Variants in INTS9 observed in about 807,000 individuals in gnomAD.
INTS9 encodes the protein integrator complex subunit 9, also known as protein related to CPSF subunits of 74 kDa.
INTS9 carries 55 observed loss-of-function variants against 79.7 expected under a neutral mutation model. The observed-to-expected ratio is 0.69, with a 90% CI of 0.56 to 0.86. The LOEUF (loss-of-function observed/expected upper bound fraction) is 0.86. Ranked by LOEUF, INTS9 falls within the 40% of genes least tolerant of loss-of-function variation. The pLI is 0.00. For synonymous variants in INTS9, 319 were observed against 325.2 expected, an observed-to-expected ratio of 0.98 and a Z score of 0.20; for missense variants, 721 against 831.5, an observed-to-expected ratio of 0.87 and a Z score of 1.64.
intron 14 of INTS9, among the ~76,000 whole-genome samples, chr8:28,774,340 G>A (rs1224675989): frequency 6.6e-6 from 1 of 152,126 alleles, no homozygotes; most frequent in African/African-American, 2.4e-5. Flanking sequence ...AAATGTCTTA[G>A]TTTTAATTTC....
intron 4 of INTS9, 67 bp downstream of exon 4, chr8:28,846,680 C>A: frequency 8.3e-7 from 1 of 1,201,126 alleles, no homozygotes; most frequent in Non-Finnish European, 1.2e-6. Flanking sequence ...AAAATTATTT[C>A]TTGACTTCAT....
intron 8 of INTS9, among the ~76,000 whole-genome samples, chr8:28,807,512 T>A (rs1423923311): frequency 1.3e-5 from 2 of 152,108 alleles, no homozygotes; most frequent in Non-Finnish European, 2.9e-5. Context: ...TCCTGGAGAG[T>A]ATTTTAAAAA....
intron 1 of INTS9, among the ~76,000 whole-genome samples, chr8:28,881,700 A>T (rs1336239991): frequency 3.2e-5 from 3 of 93,138 alleles, no homozygotes; most frequent in Admixed American, 1.1e-4. Flanking sequence ...TCCGGGAGGG[A>T]GGTGGGGGGG....
chr8:28,871,928 C>T (rs2131341188), intron 1 of INTS9, among the ~76,000 whole-genome samples: 1 of 151,972 alleles, frequency 6.6e-6, no homozygotes, highest in African/African-American at 2.4e-5. Context: ...GAAAAATGTG[C>T]AAAAAGCACA....
At chr8:28,877,130 A>G (rs59352095) in intron 1 of INTS9, among the ~76,000 whole-genome samples, 112 of 152,268 alleles carry the variant, frequency 7.4e-4, no homozygotes, top group African/African-American at 2.6e-3. Flanking sequence ...ATACAAAAAA[A>G]TAAATGTCTG....
intron 15 of INTS9, 40 bp downstream of exon 15, chr8:28,770,942 G>C: frequency 1.4e-6 from 2 of 1,424,444 alleles, no homozygotes; most frequent in Non-Finnish European, 2.0e-6. Flanking sequence ...GTTTCTTGCT[G>C]GGGAGAGGGT....
chr8:28,856,593 T>C (rs898518500), intron 2 of INTS9, among the ~76,000 whole-genome samples: 1 of 152,200 alleles, frequency 6.6e-6, no homozygotes, highest in East Asian at 1.9e-4. Context: ...TAGCTAATTT[T>C]AAAATTTTTG....
intron 6 of INTS9, among the ~76,000 whole-genome samples, chr8:28,833,618 T>TCAAAAA (rs373629333): frequency 8.8e-5 from 12 of 136,886 alleles, no homozygotes; most frequent in Admixed American, 2.3e-4. Flanking sequence ...AGACTCTGTC[T>TCAAAAA]CAAAAACAAA....
At chr8:28,849,554 G>A (rs746546200) in intron 3 of INTS9, among the ~76,000 whole-genome samples, 3 of 151,338 alleles carry the variant, frequency 2.0e-5, no homozygotes, top group East Asian at 1.9e-4. Flanking sequence ...AGGTTGAAAC[G>A]GGATCACAGA....
In INTS9 at chr8:28,768,520, A is replaced by G. The variant is rs572874151; in HGVS notation, c.1801-198T>C. ...CCCTAAACATGCAAAAGCTCATGCA[A>G]AACAACAGAATTTCCACAACCTGGC... is the stretch of plus-strand genomic sequence containing the variant. On this transcript the variant is annotated intron_variant, in intron 16 of 16. Coordinates refer to ENST00000521022, the MANE Select transcript of INTS9 (RefSeq NM_018250.4). 1.4e-4 allele frequency: 84 copies of G among 604,206 alleles called. 2 individuals carry two copies. In the South Asian group the frequency reaches 1.6e-3, roughly 11 times the overall value. 37.4% of individuals were successfully genotyped at this position (604,206 alleles called of 1,614,324 possible).
At position 28,889,853 on chromosome 8, in the gene INTS9, G is replaced by T; in HGVS notation, c.9+21C>A. ...GGTTATAGCATCACCTTTGCCCTCT[G>T]ACCTAGGAGCGAAGACTCACCAGTT... is the stretch of plus-strand genomic sequence containing the variant. On this transcript the variant is annotated intron_variant, in intron 1 of 16. Transcript: ENST00000521022. The T allele has an allele frequency of 1.9e-6, 3 of 1,613,758 alleles. No homozygotes were observed. In the South Asian group the frequency reaches 3.3e-5, roughly 18 times the overall value.
intron 1 of INTS9, among the ~76,000 whole-genome samples, chr8:28,863,981 T>A (rs1808592944): frequency 6.6e-6 from 1 of 152,212 alleles, no homozygotes; most frequent in South Asian, 2.1e-4. Flanking sequence ...TTATTTATAT[T>A]TTTTGAATAA....
chr8:28,878,077 C>T (rs762921371), intron 1 of INTS9, among the ~76,000 whole-genome samples: 1 of 151,948 alleles, frequency 6.6e-6, no homozygotes, highest in Non-Finnish European at 1.5e-5. Context: ...TGAGGTAGTT[C>T]TAGATATTTA....
chr8:28,778,908 T>G (rs1412840677), intron 12 of INTS9, among the ~76,000 whole-genome samples: 1 of 151,292 alleles, frequency 6.6e-6, no homozygotes, highest in Non-Finnish European at 1.5e-5. Context: ...TATCCAGGAG[T>G]CACAAAACAA....
chr8:28,857,800 G>A (rs1438170666), intron 2 of INTS9, among the ~76,000 whole-genome samples: 1 of 152,152 alleles, frequency 6.6e-6, no homozygotes, highest in African/African-American at 2.4e-5. Flanking sequence ...GGAGAAGAAA[G>A]ACAATAAATA....
Position 28,838,193 on chromosome 8 carries a change from A to G in INTS9, c.262-417T>C, listed in dbSNP as rs893389404. ...ACAGATTAATGGGCAACGGGGACGCAGCACACAGAAACCAGCTCTTCAAAA... is the reference window on the plus strand; with the variant it reads ...ACAGATTAATGGGCAACGGGGACGCGGCACACAGAAACCAGCTCTTCAAAA... On this transcript the variant is annotated intron_variant, in intron 4 of 16. Coordinates refer to ENST00000521022, the MANE Select transcript of INTS9 (RefSeq NM_018250.4). Among the ~76,000 whole-genome samples, 4 of 152,204 alleles carry G rather than the reference A, an allele frequency of 2.6e-5. No individual in the cohort carries two copies. The East Asian group carries it at 7.7e-4, about 29-fold the overall frequency.
intron 1 of INTS9, chr8:28,862,016 T>C: frequency 4.3e-6 from 4 of 935,576 alleles, no homozygotes; most frequent in Non-Finnish European, 5.1e-6. Context: ...ATCCCACTCA[T>C]GCTTCCCAAA....
intron 6 of INTS9, among the ~76,000 whole-genome samples, chr8:28,819,774 T>C (rs1349264551): frequency 6.6e-6 from 1 of 152,118 alleles, no homozygotes. Flanking sequence ...CCCATTATTA[T>C]TGTGTGGGAG....
At chr8:28,855,982 G>A (rs1432588254) in intron 2 of INTS9, among the ~76,000 whole-genome samples, 2 of 152,170 alleles carry the variant, frequency 1.3e-5, no homozygotes, top group African/African-American at 4.8e-5. Context: ...CAATAAATTG[G>A]TAAAGGCAAT....
Sources: allele counts gnomAD v4.1 joint callset (sites outside exome capture counted in the v4.1 genomes callset), GRCh38; gene constraint gnomAD v4.1.1; transcripts MANE v1.5; gene names NCBI Gene and HGNC (gene_info 2026-07-23, HGNC 2026-07-21).